PCDH15: variants seen among roughly 807,000 people sequenced by gnomAD.
The protein encoded by PCDH15 is protocadherin related 15, also known as protocadherin-15.
In PCDH15, 129 loss-of-function variants were observed where a neutral mutation model predicts 178.5. The ratio of observed to expected loss-of-function variants is 0.72; its 90% CI spans 0.63 to 0.84. The LOEUF (loss-of-function observed/expected upper bound fraction) is 0.84, where lower values mean the gene tolerates loss of function less well. Among genes scored for constraint, PCDH15 ranks in the 40% least tolerant of loss-of-function variants. PCDH15 has a pLI of 0.00. For synonymous variants in PCDH15, 800 were observed against 732.0 expected, an observed-to-expected ratio of 1.09 and a Z score of -1.50; for missense variants, 2,230 against 2,099.9, an observed-to-expected ratio of 1.06 and a Z score of -1.21.
intron 2 of PCDH15, among the ~76,000 whole-genome samples, chr10:55,052,332 C>A (rs1227641927): frequency 8.5e-3 from 1 of 118 alleles, no homozygotes; most frequent in African/African-American, 0.071. Context: ...CCTCGTGATC[C>A]GCCCACCGGC....
At position 55,294,858 on chromosome 10, in the gene PCDH15, C is replaced by G. The variant is rs565641291; in HGVS notation, c.-156+24741G>C. Among the ~76,000 whole-genome samples the G allele has an allele frequency of 1.3e-4, 20 of 152,266 alleles. No homozygotes were observed. In the South Asian group the frequency reaches 4.1e-3, roughly 32 times the overall value. On this transcript the variant is annotated intron_variant, in intron 1 of 5. Transcript: ENST00000458638. ...TCCAAATAATAAAAATAGCTTAGAA[C>G]TTTAAGTGGCAAGCAGAACACATCA...
At chr10:54,474,769 G>T (rs2078158757) in intron 3 of PCDH15, among the ~76,000 whole-genome samples, 3 of 151,910 alleles carry the variant, frequency 2.0e-5, no homozygotes, top group Non-Finnish European at 4.4e-5. Flanking sequence ...GGCATATTTT[G>T]CTAAATAGAA....
chr10:55,599,872 C>T (rs1343026542), intron 2 of PCDH15: 3 of 1,440,124 alleles, frequency 2.1e-6, no homozygotes, highest in Non-Finnish European at 9.3e-7. Flanking sequence ...AGCATAATCA[C>T]TTGTTCCCTA....
At chr10:54,531,076 G>T (rs2083864553) in intron 2 of PCDH15, among the ~76,000 whole-genome samples, 1 of 152,104 alleles carries the variant, frequency 6.6e-6, no homozygotes, top group Admixed American at 6.6e-5. Context: ...AAAGCAATTT[G>T]GGGGATGGGG....
rs928729248 is a variant in PCDH15 at position 53,806,499 on chromosome 10, T to G, written c.*80A>C. 24 of 1,208,142 alleles carry G rather than the reference T, an allele frequency of 2.0e-5. No homozygotes were observed. Among genetic ancestry groups the G allele is most frequent in the Non-Finnish European group, 2.7e-5 (24 of 874,690 alleles). 74.8% of individuals were successfully genotyped at this position (1,208,142 alleles called of 1,614,324 possible). On this transcript the variant is annotated 3_prime_UTR_variant, in exon 38 of 38. Coordinates refer to ENST00000644397, the MANE Select transcript of PCDH15 (RefSeq NM_001384140.1). ...TGTGCATGATATAAATTCCATACATTGTTTTCTCAGTGACAATAAAAAGCA... is the reference window on the plus strand; with the variant it reads ...TGTGCATGATATAAATTCCATACATGGTTTTCTCAGTGACAATAAAAAGCA...
chr10:54,353,326 T>G (rs1944451585), intron 5 of PCDH15, among the ~76,000 whole-genome samples: 1 of 152,112 alleles, frequency 6.6e-6, no homozygotes, highest in African/African-American at 2.4e-5. Context: ...TTATTAACAT[T>G]AAAGAAAACA....
At chr10:54,697,671 A>AAGGGGAAGGGGGAAGGGGAAGGGGGG in intron 1 of PCDH15, among the ~76,000 whole-genome samples, 3 of 62,576 alleles carry the variant, frequency 4.8e-5, no homozygotes, top group Non-Finnish European at 9.7e-5. Context: ...GGGAAGGGGG[A>AAGGGGAAGGGGGAAGGGGAAGGGGGG]AGGGGAAGGG....
chr10:55,040,870 G>T (rs1840849410), intron 2 of PCDH15, among the ~76,000 whole-genome samples: 1 of 151,520 alleles, frequency 6.6e-6, no homozygotes, highest in African/African-American at 2.4e-5. Context: ...ATTTGTATCT[G>T]CAGAGAGAGA....
intron 25 of PCDH15, among the ~76,000 whole-genome samples, chr10:53,908,310 C>G (rs1483740168): frequency 6.6e-6 from 1 of 151,984 alleles, no homozygotes; most frequent in Non-Finnish European, 1.5e-5. Flanking sequence ...GCTGAGAAAC[C>G]CCAAGTTAAA....
intron 2 of PCDH15, among the ~76,000 whole-genome samples, chr10:55,075,367 T>A (rs950212807): frequency 3.9e-4 from 5 of 12,722 alleles, no homozygotes; most frequent in Admixed American, 1.0e-3. Flanking sequence ...TTTGTTTAAA[T>A]TTTTTTTTTT....
intron 3 of PCDH15, among the ~76,000 whole-genome samples, chr10:54,455,465 A>G (rs939794454): frequency 6.6e-6 from 1 of 152,120 alleles, no homozygotes; most frequent in African/African-American, 2.4e-5. Flanking sequence ...CTTGATGGAG[A>G]TAAGGAATTT....
chr10:54,084,454 C>T (rs2094486192), intron 16 of PCDH15, among the ~76,000 whole-genome samples: 1 of 151,084 alleles, frequency 6.6e-6, no homozygotes, highest in Admixed American at 6.6e-5. Context: ...GTCTGGGAGA[C>T]AGAACAAGAC....
At chr10:55,046,723 G>A (rs952043016) in intron 2 of PCDH15, among the ~76,000 whole-genome samples, 1 of 151,962 alleles carries the variant, frequency 6.6e-6, no homozygotes, top group Non-Finnish European at 1.5e-5. Context: ...TGACATTTTT[G>A]TTGAAATTTA....
intron 1 of PCDH15, among the ~76,000 whole-genome samples, chr10:55,251,017 G>T (rs1841822966): frequency 6.6e-6 from 1 of 151,932 alleles, no homozygotes; most frequent in African/African-American, 2.4e-5. Context: ...CAATTCACAT[G>T]CAGTTGTAGG....
At chr10:55,576,568 T>A (rs1842499772) in intron 2 of PCDH15, among the ~76,000 whole-genome samples, 1 of 152,206 alleles carries the variant, frequency 6.6e-6, no homozygotes, top group East Asian at 1.9e-4. Context: ...ATGGTCAAAT[T>A]TTCTGAAGGA....
chr10:54,411,203 C>T (rs940379562), intron 3 of PCDH15, among the ~76,000 whole-genome samples: 8 of 123,532 alleles, frequency 6.5e-5, no homozygotes, highest in African/African-American at 2.0e-4. Context: ...TACAGGCATG[C>T]TTATATTCCA....
rs930665715 is a variant in PCDH15, at chr10:54,378,900, C to T, written c.200G>A (p.Gly67Glu). The part of the protein sequence containing the change: ...VDNMLIKGTA[G>E]GPDPTIELSL... ...AAGTTCTATGGTGGGGTCTGGTCCT[C>T]CAGCAGTCCCTTTGATCAGCATGTT... Residue 67 changes from glycine to glutamate, a missense_variant, in exon 4 of 38, where the codon GGA (glycine) becomes GAA (glutamate). By Grantham distance (98) the Gly-to-Glu change is moderately conservative. Transcript: ENST00000644397. The T allele has an allele frequency of 1.3e-5, 21 of 1,613,650 alleles. No individual in the cohort carries two copies. The highest frequency in any genetic ancestry group is 1.4e-5 in the Non-Finnish European group (17 of 1,179,796).
intron 10 of PCDH15, among the ~76,000 whole-genome samples, chr10:54,212,453 C>T (rs2051549819): frequency 6.6e-6 from 1 of 152,048 alleles, no homozygotes; most frequent in South Asian, 2.1e-4. Flanking sequence ...CATTATGTCT[C>T]CAAGCGTTTA....
At chr10:55,208,634 G>C (rs532719255) in intron 1 of PCDH15, among the ~76,000 whole-genome samples, 89 of 152,056 alleles carry the variant, frequency 5.9e-4, no homozygotes, top group Non-Finnish European at 7.6e-4. Context: ...TCCTTAGCCA[G>C]GAATACTGCT....
Sources: allele counts gnomAD v4.1 joint callset (sites outside exome capture counted in the v4.1 genomes callset), GRCh38; gene constraint gnomAD v4.1.1; transcripts MANE v1.5; gene names NCBI Gene and HGNC (gene_info 2026-07-23, HGNC 2026-07-21).